Variants in ZNF461 observed in about 807,000 individuals in gnomAD.
The protein encoded by ZNF461 is zinc finger protein 461.
Under a neutral mutation model 18.3 loss-of-function variants are expected in ZNF461, and 16 were observed. That is an observed-to-expected ratio of 0.88 (90% CI 0.59 to 1.33). ZNF461 has a LOEUF of 1.33. ZNF461 is among the 40% of genes most tolerant of loss of function. The pLI is 0.00. For missense variants in ZNF461, 595 were observed against 669.9 expected (o/e 0.89, Z 1.23); for synonymous variants, 179 against 216.9 (o/e 0.83, Z 1.54).
At chr19:36,655,584 C>T (rs1484195746) in intron 4 of ZNF461, among the ~76,000 whole-genome samples, 1 of 152,120 alleles carries the variant, frequency 6.6e-6, no homozygotes, top group Non-Finnish European at 1.5e-5. Context: ...GCCTGAGTGA[C>T]AGAGTGAAAC....
chr19:36,650,167 C>T (rs998234747), intron 4 of ZNF461, among the ~76,000 whole-genome samples: 18 of 151,732 alleles, frequency 1.2e-4, no homozygotes, highest in Admixed American at 8.5e-4. Flanking sequence ...AGTGAGACTC[C>T]GTCTTAAAAC....
At chr19:36,653,935 G>A (rs1600434360) in intron 4 of ZNF461, among the ~76,000 whole-genome samples, 1 of 152,174 alleles carries the variant, frequency 6.6e-6, no homozygotes, top group South Asian at 2.1e-4. Flanking sequence ...AAACTGCATA[G>A]AGCTATAAAT....
At chr19:36,665,233 C>A (rs545309965) in intron 1 of ZNF461, among the ~76,000 whole-genome samples, 62 of 152,156 alleles carry the variant, frequency 4.1e-4, no homozygotes, top group Admixed American at 5.9e-4. Flanking sequence ...GAGGCTGAAA[C>A]AACACAGATG....
At position 36,639,096 on chromosome 19, in the gene ZNF461, C is replaced by T. The variant is rs1181768191; in HGVS notation, c.1249G>A (p.Glu417Lys). The T allele has an allele frequency of 1.2e-6, 2 of 1,612,342 alleles. No individual in the cohort carries two copies. The highest frequency in any genetic ancestry group is 1.7e-6 in the Non-Finnish European group (2 of 1,179,672). ...CCATCACAAAAAGCCTTCCCACATT[C>T]ATGACATTCATAAGGTTTCTTGCCA... Reference protein sequence around the residue: ...HSGKKPYECHECGKAFCDGLQ... With the variant: ...HSGKKPYECHKCGKAFCDGLQ... The change falls in exon 6 of 6, where the codon GAA (glutamate) becomes AAA (lysine). Residue 417 changes from glutamate to lysine, a missense_variant. By Grantham distance (56) the Glu-to-Lys change is moderately conservative. Transcript: ENST00000588268.
chr19:36,664,958 A>T (rs1600452105), intron 1 of ZNF461, among the ~76,000 whole-genome samples, 172 bp from the exon 2 acceptor site: 2 of 152,262 alleles, frequency 1.3e-5, no homozygotes, highest in East Asian at 3.9e-4. Flanking sequence ...TTTACTCAAA[A>T]CCATGAGGAA....
Position 36,639,061 on chromosome 19 carries a change from T to TA in ZNF461, c.1283dup (p.Thr429AsnfsTer10). 1 of 1,612,834 alleles carries TA rather than the reference T, an allele frequency of 6.2e-7. No individual in the cohort carries two copies. Among genetic ancestry groups the TA allele is most frequent in the East Asian group, 2.2e-5 (1 of 44,740 alleles). The stretch of plus-strand genomic sequence containing the variant: ...CAGTATGAATCCTCTGATGTAGGGT[T>TA]AGTTGTAAGCCATCACAAAAAGCCT... On this transcript the variant is annotated frameshift_variant, in exon 6 of 6. Coordinates refer to ENST00000588268, the MANE Select transcript of ZNF461 (RefSeq NM_153257.5). LOFTEE classifies it low-confidence loss of function (END_TRUNC).
chr19:36,642,134 G>A (rs2037435810), intron 5 of ZNF461, among the ~76,000 whole-genome samples: 1 of 152,098 alleles, frequency 6.6e-6, no homozygotes, highest in Non-Finnish European at 1.5e-5. Context: ...CTCTCACTTT[G>A]TTGCCCAGGC....
Position 36,637,909 on chromosome 19 carries a change from T to C in ZNF461, c.*744A>G. 1 of 363,318 alleles carries C rather than the reference T, an allele frequency of 2.8e-6. No homozygotes were observed. The highest frequency in any genetic ancestry group is 5.4e-6 in the Non-Finnish European group (1 of 186,106). 22.5% of individuals were successfully genotyped at this position (363,318 alleles called of 1,614,324 possible). On this transcript the variant is annotated 3_prime_UTR_variant, in exon 6 of 6. Transcript: ENST00000588268. The stretch of plus-strand genomic sequence containing the variant: ...TAATTTTCACATTTTTGGTAATTTT[T>C]GAATTTTTATAATGTGTGCTTTTAT...
At chr19:36,651,073 T>C (rs1458725969) in intron 4 of ZNF461, among the ~76,000 whole-genome samples, 2 of 151,122 alleles carry the variant, frequency 1.3e-5, no homozygotes, top group African/African-American at 4.9e-5. Flanking sequence ...CAACTAAAAA[T>C]ACAAAAAATT....
intron 5 of ZNF461, among the ~76,000 whole-genome samples, chr19:36,642,456 G>A (rs986758519): frequency 6.6e-6 from 1 of 152,044 alleles, no homozygotes; most frequent in African/African-American, 2.4e-5. Flanking sequence ...TCTCTACATG[G>A]TGTGTCCAGC....
At chr19:36,647,019 T>C (rs1189085311) in intron 4 of ZNF461, among the ~76,000 whole-genome samples, 1 of 152,180 alleles carries the variant, frequency 6.6e-6, no homozygotes, top group African/African-American at 2.4e-5. Flanking sequence ...GACTGATAAC[T>C]ATATATAGCA....
Position 36,639,261 on chromosome 19 carries a change from A to G in ZNF461, c.1084T>C (p.Cys362Arg), listed in dbSNP as rs1443565837. 6.2e-7 allele frequency: 1 copy of G among 1,614,004 alleles called. No homozygotes were observed. The highest frequency in any genetic ancestry group is 2.2e-5 in the East Asian group (1 of 44,876). Reference sequence around the variant, plus strand: ...GAGCGATGCCTAAAAGTCTTTCCACATTCTTTACATTCATAAGGTTTCTCT... The same window carrying G: ...GAGCGATGCCTAAAAGTCTTTCCACGTTCTTTACATTCATAAGGTTTCTCT... ...TGEKPYECKE[C>R]GKTFRHRSHL... The change falls in exon 6 of 6, where the codon TGT becomes CGT. Residue 362 changes from cysteine to arginine, a missense_variant. Transcript: ENST00000588268.
At chr19:36,643,761 T>C in intron 5 of ZNF461, 33 bp downstream of exon 5, 1 of 1,498,140 alleles carries the variant, frequency 6.7e-7, no homozygotes, top group Non-Finnish European at 8.9e-7. Flanking sequence ...CCAGTACTTC[T>C]ACTGTACTCT....
chr19:36,658,157 A>G (rs2037756193), intron 3 of ZNF461, 142 bp downstream of exon 3: 1 of 850,876 alleles, frequency 1.2e-6, no homozygotes, highest in Non-Finnish European at 1.8e-6. Flanking sequence ...TGGTTTCTAC[A>G]ATACATAAAG....
chr19:36,662,403 C>T (rs1037746281), intron 2 of ZNF461, among the ~76,000 whole-genome samples: 3 of 151,748 alleles, frequency 2.0e-5, no homozygotes, highest in Admixed American at 6.6e-5. Flanking sequence ...ATTACAGATG[C>T]GCACCACGAC....
At chr19:36,655,998 T>C (rs1330772261) in intron 4 of ZNF461, among the ~76,000 whole-genome samples, 1 of 140,518 alleles carries the variant, frequency 7.1e-6, no homozygotes, top group African/African-American at 2.5e-5. Flanking sequence ...TAGAATATCT[T>C]TTTTTTTTTT....
At chr19:36,646,251 C>T (rs900207430) in intron 4 of ZNF461, among the ~76,000 whole-genome samples, 7 of 152,138 alleles carry the variant, frequency 4.6e-5, no homozygotes, top group African/African-American at 1.7e-4. Context: ...CTGCCTCAGC[C>T]TCCCCAGTAG....
At chr19:36,656,948 T>G (rs1268564881) in intron 3 of ZNF461, among the ~76,000 whole-genome samples, 2 of 151,814 alleles carry the variant, frequency 1.3e-5, no homozygotes, top group Non-Finnish European at 2.9e-5. Flanking sequence ...GCCTCCTAAG[T>G]AGCTGGGATT....
intron 4 of ZNF461, among the ~76,000 whole-genome samples, chr19:36,647,627 AAGT>A (rs2037551415): frequency 6.6e-6 from 1 of 152,202 alleles, no homozygotes; most frequent in Non-Finnish European, 1.5e-5. Context: ...ATATACCTAG[AAGT>A]AGAATTGCTT....
Sources: gnomAD v4.1 joint callset for allele counts (sites outside exome capture counted in the v4.1 genomes callset) on GRCh38, gnomAD v4.1.1 for gene constraint, MANE v1.5 for transcripts, NCBI Gene and HGNC (gene_info 2026-07-23, HGNC 2026-07-21) for gene names.